ATG7: variants seen among roughly 807,000 people sequenced by gnomAD.
The protein encoded by ATG7 is autophagy related 7.
In ATG7, 70 loss-of-function variants were observed where a neutral mutation model predicts 82.4. That is an observed-to-expected ratio of 0.85 (90% CI 0.70 to 1.04). ATG7 has a LOEUF of 1.04. Ranked by LOEUF, ATG7 falls within the 50% of genes least tolerant of loss-of-function variation. The pLI is 0.00. For synonymous variants in ATG7, 287 were observed against 313.0 expected (o/e 0.92, Z 0.88); for missense variants, 792 against 864.3 (o/e 0.92, Z 1.05).
rs1219461920 is a variant in ATG7, at chr3:11,554,797, C to A, written c.2080-14C>A. 7 of 1,613,162 alleles carry A rather than the reference C, an allele frequency of 4.3e-6. No homozygotes were observed. The highest frequency in any genetic ancestry group is 5.9e-6 in the Non-Finnish European group (7 of 1,179,646). On this transcript the variant is annotated splice_polypyrimidine_tract_variant and intron_variant, in intron 20 of 20. Transcript: ENST00000693202. ...TGGGACATCTCGGCTGAGCCTCTCC[C>A]CTTCTCCATGCAGATCTGGGACATG...
chr3:11,395,969 A>C (rs63554663), intron 19 of ATG7, among the ~76,000 whole-genome samples: 47,079 of 89,260 alleles, frequency 0.53, 16,591 homozygotes, highest in East Asian at 0.65. Flanking sequence ...AAAAAAAGGT[A>C]GGGGGGGAAG....
chr3:11,480,479 C>T (rs73139526), intron 20 of ATG7, among the ~76,000 whole-genome samples: 4,261 of 151,964 alleles, frequency 0.028, 144 homozygotes, highest in African/African-American at 0.083. Context: ...GGAGGGGGTG[C>T]GATGGTTTGC....
chr3:11,524,795 A>G (rs1157363398), intron 20 of ATG7, among the ~76,000 whole-genome samples: 1 of 151,212 alleles, frequency 6.6e-6, no homozygotes, highest in Non-Finnish European at 1.5e-5. Context: ...ATTTAAAACA[A>G]AAACAAAAAC....
intron 20 of ATG7, among the ~76,000 whole-genome samples, chr3:11,492,466 A>G (rs1010132709): frequency 2.0e-5 from 3 of 152,116 alleles, no homozygotes; most frequent in Non-Finnish European, 2.9e-5. Flanking sequence ...AGCTGTTCCT[A>G]TTCAGCCATC....
At chr3:11,346,439 C>G (rs1474703594) in intron 13 of ATG7, 1 of 152,216 alleles carries the variant, frequency 6.6e-6, no homozygotes, top group Non-Finnish European at 1.5e-5. Context: ...GATTAGACCA[C>G]TTTAACATTC....
the ATG7 span, among the ~76,000 whole-genome samples, chr3:11,572,630 C>T: frequency 2.0e-4 from 30 of 152,214 alleles, 1 homozygote; most frequent in South Asian, 6.0e-3. Context: ...TGGATGTGTC[C>T]GGAAGCACAC....
Position 11,439,570 on chromosome 3 carries a change from A to C in ATG7, c.2079+12644A>C, listed in dbSNP as rs550017531. 1.6e-4 allele frequency among the ~76,000 whole-genome samples: 25 copies of C among 152,338 alleles called. No homozygotes were observed. The South Asian group carries it at 4.3e-3, about 26-fold the overall frequency. On this transcript the variant is annotated intron_variant, in intron 20 of 20. Transcript: ENST00000693202. ...TCAAAGAGGTACAAGCCAGGCTTTT[A>C]GGAGGCAGACGCAGTATAGTTGGGG...
At chr3:11,492,157 T>C (rs997014352) in intron 20 of ATG7, among the ~76,000 whole-genome samples, 2 of 152,120 alleles carry the variant, frequency 1.3e-5, no homozygotes, top group African/African-American at 4.8e-5. Flanking sequence ...TGGAATACAA[T>C]CTCCTGGTGC....
At position 11,536,402 on chromosome 3, in the gene ATG7, G is replaced by A. The variant is rs7623511; in HGVS notation, c.2080-18409G>A. Among the ~76,000 whole-genome samples, 314 of 152,324 alleles carry A rather than the reference G, an allele frequency of 2.1e-3. 1 individual carries two copies. The highest frequency in any genetic ancestry group is 7.3e-3 in the African/African-American group (304 of 41,566). On this transcript the variant is annotated intron_variant, in intron 20 of 20. Coordinates refer to ENST00000693202, the MANE Select transcript of ATG7 (RefSeq NM_001349232.2). ...CAGCCTTGGGCTACCGGCTCCACCT[G>A]GCCAGCGCCCTGTTCCCACAGCAGG... is the stretch of plus-strand genomic sequence containing the variant.
At chr3:11,449,652 C>G (rs538354357) in intron 20 of ATG7, among the ~76,000 whole-genome samples, 1 of 152,152 alleles carries the variant, frequency 6.6e-6, no homozygotes. Context: ...ATAAATCTAA[C>G]GTGTGTATTT....
At chr3:11,378,418 C>T (rs1451907448) in intron 18 of ATG7, among the ~76,000 whole-genome samples, 4 of 151,110 alleles carry the variant, frequency 2.6e-5, no homozygotes, top group Non-Finnish European at 4.4e-5. Context: ...CGCGGTGGCT[C>T]ACGCCCGTAA....
At chr3:11,499,784 T>G (rs560104225) in intron 20 of ATG7, among the ~76,000 whole-genome samples, 2 of 150,590 alleles carry the variant, frequency 1.3e-5, no homozygotes, top group East Asian at 3.9e-4. Flanking sequence ...ATCTAAAATA[T>G]CCCATGGTGC....
intron 20 of ATG7, among the ~76,000 whole-genome samples, chr3:11,539,737 A>C (rs191119084): frequency 3.3e-5 from 5 of 152,356 alleles, no homozygotes; most frequent in African/African-American, 1.2e-4. Context: ...AAATCTATTG[A>C]TGCGCATACA....
At chr3:11,546,263 C>T (rs2071284495) in intron 20 of ATG7, among the ~76,000 whole-genome samples, 1 of 140,872 alleles carries the variant, frequency 7.1e-6, no homozygotes. Flanking sequence ...CCTCTTCCTT[C>T]CGGGTTCAAG....
intron 19 of ATG7, among the ~76,000 whole-genome samples, chr3:11,397,549 C>T (rs1346563719): frequency 1.3e-5 from 2 of 151,922 alleles, no homozygotes; most frequent in African/African-American, 4.8e-5. Context: ...CCTCCATCTC[C>T]CAGGTTCAAA....
At chr3:11,488,658 C>G (rs1267079689) in intron 20 of ATG7, among the ~76,000 whole-genome samples, 2 of 152,300 alleles carry the variant, frequency 1.3e-5, no homozygotes, top group Non-Finnish European at 2.9e-5. Context: ...GACCTCCTCT[C>G]AAGATGTGAA....
chr3:11,488,841 C>T (rs571146415), intron 20 of ATG7, among the ~76,000 whole-genome samples: 5 of 152,186 alleles, frequency 3.3e-5, no homozygotes, highest in Admixed American at 6.5e-5. Flanking sequence ...CAATGTTCAT[C>T]AAGGATATTG....
At chr3:11,277,891 A>G (rs1361605106) in intron 1 of ATG7, among the ~76,000 whole-genome samples, 1 of 60,790 alleles carries the variant, frequency 1.6e-5, no homozygotes, top group Non-Finnish European at 2.9e-5. Context: ...CCCTTTATAG[A>G]CCCCCCCCCC....
At chr3:11,527,069 G>GTATATATATATA (rs1347586691) in intron 20 of ATG7, among the ~76,000 whole-genome samples, 15 of 118,220 alleles carry the variant, frequency 1.3e-4, no homozygotes, top group Non-Finnish European at 2.2e-4. Context: ...GTGTGTGTGT[G>GTATATATATATA]TGTATATATA....
Sources: allele counts gnomAD v4.1 joint callset (sites outside exome capture counted in the v4.1 genomes callset), GRCh38; gene constraint gnomAD v4.1.1; transcripts MANE v1.5; gene names NCBI Gene and HGNC (gene_info 2026-07-23, HGNC 2026-07-21).